The following PCLO variants were observed in gnomAD, a reference collection of about 807,000 sequenced individuals.
PCLO encodes piccolo presynaptic cytomatrix protein, also known as protein piccolo.
In PCLO, 82 loss-of-function variants were observed where a neutral mutation model predicts 427.5. The ratio of observed to expected loss-of-function variants is 0.19; its 90% CI spans 0.16 to 0.23. The LOEUF is 0.23. PCLO is among the 10% of genes least tolerant of loss of function. The pLI, the probability that PCLO is intolerant of heterozygous loss-of-function variation, is 1.00. For missense variants in PCLO, 6,239 were observed against 6,115.9 expected, an observed-to-expected ratio of 1.02 and a Z score of -0.67; for synonymous variants, 2,357 against 2,155.4, an observed-to-expected ratio of 1.09 and a Z score of -2.59.
chr7:82,945,433 G>A (rs1274884349), intron 6 of PCLO, among the ~76,000 whole-genome samples: 1 of 152,094 alleles, frequency 6.6e-6, no homozygotes, highest in Non-Finnish European at 1.5e-5. Flanking sequence ...CTTAACCCTT[G>A]ATATCTCAAA....
In PCLO at chr7:83,134,877, T is replaced by C. The variant is rs781146952; in HGVS notation, c.2673A>G (p.Thr891=). 6.2e-7 allele frequency: 1 copy of C among 1,605,058 alleles called. No homozygotes were observed. The highest frequency in any genetic ancestry group is 8.5e-7 in the Non-Finnish European group (1 of 1,175,570). ...PRPTAGQTVP[T]PQQSPKPQEQ... ...CCTGAGGCTTTGGGGACTGTTGAGG[T>C]GTGGGGACAGTTTGGCCAGCGGTAG... is the stretch of plus-strand genomic sequence containing the variant. Residue 891 remains threonine, a synonymous_variant, in exon 3 of 25, where the codon ACA becomes ACG. Coordinates refer to ENST00000333891, the MANE Select transcript of PCLO (RefSeq NM_033026.6).
chr7:82,935,429 T>C (rs1164628759), intron 6 of PCLO, among the ~76,000 whole-genome samples: 3 of 151,282 alleles, frequency 2.0e-5, no homozygotes, highest in Non-Finnish European at 4.4e-5. Flanking sequence ...ATAGGAAACA[T>C]CCATAAAATA....
At chr7:83,086,339 C>T (rs1037929811) in intron 3 of PCLO, among the ~76,000 whole-genome samples, 2 of 152,072 alleles carry the variant, frequency 1.3e-5, no homozygotes, top group African/African-American at 4.8e-5. Context: ...GAACTCCTGA[C>T]CTCAGTTGAT....
chr7:82,821,132 C>T, intron 20 of PCLO: 1 of 1,026,864 alleles, frequency 9.7e-7, no homozygotes, highest in South Asian at 4.6e-5. Context: ...CTTGACTGGT[C>T]CATCAGACAT....
intron 14 of PCLO, 69 bp downstream of exon 14, chr7:82,841,390 T>G: frequency 1.1e-6 from 1 of 925,450 alleles, no homozygotes; most frequent in East Asian, 2.5e-5. Context: ...GTGTTTACAA[T>G]TTCAACAAAC....
chr7:82,899,967 GA>G (rs1195078365), intron 9 of PCLO, among the ~76,000 whole-genome samples: 1 of 151,550 alleles, frequency 6.6e-6, no homozygotes, highest in Non-Finnish European at 1.5e-5. Flanking sequence ...GGCATTGTTA[GA>G]AAATACTATG....
chr7:82,762,110 T>G (rs1207280847), intron 22 of PCLO, among the ~76,000 whole-genome samples: 1 of 152,132 alleles, frequency 6.6e-6, no homozygotes, highest in Admixed American at 6.6e-5. Context: ...ATTGGTTTCA[T>G]GCTTTTTCTA....
chr7:82,976,975 C>T (rs2115742368), intron 3 of PCLO, among the ~76,000 whole-genome samples: 1 of 152,286 alleles, frequency 6.6e-6, no homozygotes, highest in African/African-American at 2.4e-5. Flanking sequence ...CAGCATTTGC[C>T]TCCCAAAGTT....
intron 3 of PCLO, among the ~76,000 whole-genome samples, chr7:83,122,009 C>G (rs80013942): frequency 0.011 from 1,655 of 152,192 alleles, 23 homozygotes; most frequent in Non-Finnish European, 0.016. Context: ...TCAACATACA[C>G]TAGTCAATTA....
intron 22 of PCLO, among the ~76,000 whole-genome samples, chr7:82,781,861 G>C (rs1413944535): frequency 6.6e-6 from 1 of 152,180 alleles, no homozygotes; most frequent in African/African-American, 2.4e-5. Flanking sequence ...AGCTTCTGGA[G>C]AGCTGAACAC....
chr7:82,804,799 T>C (rs981629889), intron 21 of PCLO, among the ~76,000 whole-genome samples: 34 of 152,312 alleles, frequency 2.2e-4, no homozygotes, highest in African/African-American at 7.7e-4. Flanking sequence ...CTTTTGTTTT[T>C]TCCTACACTT....
rs56409753 is a variant in PCLO, at chr7:83,097,521, C to CAAAA, written c.3300+36725_3300+36728dup. On this transcript the variant is annotated intron_variant, in intron 3 of 24. Coordinates refer to ENST00000333891, the MANE Select transcript of PCLO (RefSeq NM_033026.6). ...TGGGTGACAGAGCAAGACCCAGTCT[C>CAAAA]AAAAATATATATATATATATAATAT... is the stretch of plus-strand genomic sequence containing the variant. Among the ~76,000 whole-genome samples the CAAAA allele has an allele frequency of 3.3e-4, 48 of 145,002 alleles. No homozygotes were observed. In the East Asian group the frequency reaches 7.2e-3, roughly 22 times the overall value.
chr7:83,160,718 T>C (rs987261760), intron 1 of PCLO, among the ~76,000 whole-genome samples: 3 of 152,222 alleles, frequency 2.0e-5, no homozygotes, highest in Middle Eastern at 3.4e-3. Flanking sequence ...AAATAATGTT[T>C]CTCAGCCACC....
Position 82,915,194 on chromosome 7 carries a change from C to T in PCLO, c.12792G>A (p.Leu4264=), listed in dbSNP as rs61995908. ...AGCGTATGGTATTTCCTAATGTGCC[C>T]AGTCCTGTGCCAAGAGAAGATCCCA... ...KFMGSSLGTG[L]GTLGNTIRSA... The change falls in exon 7 of 25, where the codon CTG becomes CTA. Residue 4264 remains leucine (L), a synonymous_variant. Coordinates refer to ENST00000333891, the MANE Select transcript of PCLO (RefSeq NM_033026.6). The T allele has an allele frequency of 0.024, 38,274 of 1,609,636 alleles. 566 individuals are homozygous for T. Among genetic ancestry groups the T allele is most frequent in the Non-Finnish European group, 0.027 (31,535 of 1,177,670 alleles).
chr7:83,050,275 A>ATT lies in PCLO; in HGVS notation c.3301-83789_3301-83788insAA, dbSNP rs1562939056. ...AAAAAAACTAGAAGTGCTTTTTAAAAAAAAAAAAAAAAAACAAAACCAAAA... is the reference window on the plus strand; with the variant it reads ...AAAAAAACTAGAAGTGCTTTTTAAAATTAAAAAAAAAAAAAACAAAACCAAAA... On this transcript the variant is annotated intron_variant, in intron 3 of 24. Coordinates refer to ENST00000333891, the MANE Select transcript of PCLO (RefSeq NM_033026.6). Among the ~76,000 whole-genome samples the ATT allele has an allele frequency of 7.5e-3, 605 of 80,962 alleles. 12 individuals carry two copies. The highest frequency in any genetic ancestry group is 0.02 in the Middle Eastern group (3 of 152). The allele number at this position is 80,962 out of a possible 152,430, so 53.1% of individuals were successfully genotyped here.
intron 3 of PCLO, among the ~76,000 whole-genome samples, chr7:83,110,385 T>TG (rs974297296): frequency 3.1e-4 from 47 of 152,218 alleles, no homozygotes; most frequent in African/African-American, 1.1e-3. Context: ...AGTTGACACT[T>TG]AATCACTTGT....
At chr7:83,138,752 G>C (rs1791791625) in intron 2 of PCLO, among the ~76,000 whole-genome samples, 1 of 150,976 alleles carries the variant, frequency 6.6e-6, no homozygotes, top group Non-Finnish European at 1.5e-5. Flanking sequence ...GGTTATGGTA[G>C]ATACCATAAG....
In PCLO at chr7:82,845,367, A is replaced by T. The variant is rs1346432266; in HGVS notation, c.13950T>A (p.Val4650=). Residue 4650 remains valine, a synonymous_variant, in exon 13 of 25, where the codon GTT becomes GTA. Coordinates refer to ENST00000333891, the MANE Select transcript of PCLO (RefSeq NM_033026.6). ...ATCCTGCTGATGTAGGACCTGAATGAACATGAGATCCTTTTTCAACAACTG... is the reference window on the plus strand; with the variant it reads ...ATCCTGCTGATGTAGGACCTGAATGTACATGAGATCCTTTTTCAACAACTG... ...LSSVVEKGSH[V]HSGPTSAGSS... is the part of the protein sequence containing the mutation. 1.9e-6 allele frequency: 3 copies of T among 1,613,388 alleles called. No individual in the cohort carries two copies. Among genetic ancestry groups the T allele is most frequent in the Non-Finnish European group, 2.5e-6 (3 of 1,179,618 alleles).
At chr7:83,040,372 C>G (rs1167513009) in intron 3 of PCLO, among the ~76,000 whole-genome samples, 1 of 152,088 alleles carries the variant, frequency 6.6e-6, no homozygotes, top group African/African-American at 2.4e-5. Context: ...TGGGCAGGCT[C>G]TCTTTGACTT....
Sources: gnomAD v4.1 joint callset for allele counts (sites outside exome capture counted in the v4.1 genomes callset) on GRCh38, gnomAD v4.1.1 for gene constraint, MANE v1.5 for transcripts, NCBI Gene and HGNC (gene_info 2026-07-23, HGNC 2026-07-21) for gene names.